Variants in GLRA2 observed in about 807,000 individuals in gnomAD.
The protein encoded by GLRA2 is glycine receptor subunit alpha-2.
A neutral mutation model predicts 31.6 loss-of-function variants in GLRA2; 11 were observed. The observed-to-expected ratio is 0.35, with a 90% confidence interval of 0.22 to 0.58. The LOEUF (loss-of-function observed/expected upper bound fraction) is 0.58, where lower values mean the gene tolerates loss of function less well. Ranked by LOEUF, GLRA2 falls within the 20% of genes least tolerant of loss-of-function variation. The probability of loss-of-function intolerance (pLI) is 0.84; values close to 1 mark genes in which losing one functional copy is unlikely to be tolerated. For missense variants in GLRA2, 212 were observed against 351.8 expected (o/e 0.60, Z 3.18); for synonymous variants, 132 against 134.0 (o/e 0.99, Z 0.10).
chrX:14,475,766 A>C, the GLRA2 span, among the ~76,000 whole-genome samples: 1 of 110,869 alleles, frequency 9.0e-6, no homozygotes, highest in East Asian at 2.8e-4. Context: ...AAATACCCTA[A>C]GTATAATAGA....
intron 8 of GLRA2, among the ~76,000 whole-genome samples, chrX:14,709,803 G>C: frequency 8.9e-6 from 1 of 111,928 alleles, no homozygotes; most frequent in Middle Eastern, 4.6e-3. Context: ...AGAAGCAATA[G>C]GAAAGTGCCT....
the GLRA2 span, among the ~76,000 whole-genome samples, chrX:14,469,528 A>T: frequency 6.2e-4 from 67 of 108,140 alleles, 3 homozygotes; most frequent in East Asian, 0.019. Flanking sequence ...AAAAAGGATG[A>T]GTTCATGTCC....
At chrX:14,581,508 T>C (rs953684234) in intron 4 of GLRA2, 102 bp downstream of exon 4, 1 of 499,080 alleles carries the variant, frequency 2.0e-6, no homozygotes, top group East Asian at 3.6e-5. Context: ...TTGACTTTTG[T>C]GGTTTCTTGT....
intron 8 of GLRA2, among the ~76,000 whole-genome samples, chrX:14,718,774 T>C (rs1463705608): frequency 1.8e-5 from 2 of 111,635 alleles, no homozygotes; most frequent in Non-Finnish European, 3.8e-5. Context: ...TTTTATATGG[T>C]GTCCCAAGAC....
At chrX:14,662,544 G>A (rs1369712872) in intron 7 of GLRA2, among the ~76,000 whole-genome samples, 1 of 111,633 alleles carries the variant, frequency 9.0e-6, no homozygotes, top group Non-Finnish European at 1.9e-5. Flanking sequence ...ATATATGAAT[G>A]TTCAGGCTTT....
At chrX:14,553,394 CCCTTTCT>C (rs775978154) in intron 2 of GLRA2, among the ~76,000 whole-genome samples, 1 of 112,014 alleles carries the variant, frequency 8.9e-6, no homozygotes, top group East Asian at 2.8e-4. Flanking sequence ...GCTCTCCTTT[CCCTTTCT>C]CTTTTTCTCA....
chrX:14,573,509 G>A (rs185643937), intron 2 of GLRA2, among the ~76,000 whole-genome samples: 2 of 111,446 alleles, frequency 1.8e-5, no homozygotes, highest in African/African-American at 6.5e-5. Context: ...AGCATTAGGA[G>A]AAAATTCCAC....
rs73437233 is a variant in GLRA2 at position 14,655,816 on chromosome X, T to C, written c.931-34894T>C. 7.3e-3 allele frequency among the ~76,000 whole-genome samples: 822 copies of C among 112,200 alleles called. 12 individuals are homozygous for C. Among genetic ancestry groups the C allele is most frequent in the African/African-American group, 0.026 (787 of 30,861 alleles). ...TGTACATTGTTGGTTTCCCATTTTT[T>C]CCCCAAATATGATGTAACCTCCCTA... is the stretch of plus-strand genomic sequence containing the variant. On this transcript the variant is annotated intron_variant, in intron 7 of 8. Coordinates refer to ENST00000218075, the MANE Select transcript of GLRA2 (RefSeq NM_002063.4).
At chrX:14,584,298 C>T (rs2090057343) in intron 4 of GLRA2, among the ~76,000 whole-genome samples, 1 of 111,538 alleles carries the variant, frequency 9.0e-6, no homozygotes, top group South Asian at 3.8e-4. Context: ...TAACATCTAC[C>T]AAATGTCTAG....
At chrX:14,605,872 G>A (rs1262564430) in intron 5 of GLRA2, among the ~76,000 whole-genome samples, 3 of 111,351 alleles carry the variant, frequency 2.7e-5, no homozygotes, top group East Asian at 2.8e-4. Flanking sequence ...AGACAAGAAC[G>A]TGGGGTATTT....
At chrX:14,629,334 A>G (rs1446749417) in intron 7 of GLRA2, among the ~76,000 whole-genome samples, 2 of 111,783 alleles carry the variant, frequency 1.8e-5, no homozygotes, top group Admixed American at 1.9e-4. Context: ...TTTGTAGCTT[A>G]CTTACCAATT....
the GLRA2 span, among the ~76,000 whole-genome samples, chrX:14,481,888 T>C: frequency 4.5e-5 from 5 of 111,058 alleles, no homozygotes; most frequent in African/African-American, 1.6e-4. Context: ...TAGCCCACTT[T>C]AACATCTAAG....
At chrX:14,680,695 A>G (rs2091192326) in intron 7 of GLRA2, among the ~76,000 whole-genome samples, 1 of 112,387 alleles carries the variant, frequency 8.9e-6, no homozygotes, top group Non-Finnish European at 1.9e-5. Context: ...TGAATAATGC[A>G]TTTAATGCCA....
chrX:14,487,960 T>A, the GLRA2 span, among the ~76,000 whole-genome samples: 1 of 111,959 alleles, frequency 8.9e-6, no homozygotes, highest in Non-Finnish European at 1.9e-5. Context: ...GACTCTGGTG[T>A]CTTTTCCCTC....
intron 4 of GLRA2, among the ~76,000 whole-genome samples, chrX:14,587,240 G>C (rs754818453): frequency 1.3e-4 from 15 of 112,420 alleles, no homozygotes; most frequent in Admixed American, 8.4e-4. Flanking sequence ...ATTGTGGATA[G>C]TGCTGTGATG....
chrX:14,553,482 A>C (rs1338302921), intron 2 of GLRA2, among the ~76,000 whole-genome samples: 1 of 111,337 alleles, frequency 9.0e-6, no homozygotes, highest in Admixed American at 9.5e-5. Flanking sequence ...CATTGTAATT[A>C]GTCTAATCCA....
At chrX:14,668,152 G>T (rs906629334) in intron 7 of GLRA2, among the ~76,000 whole-genome samples, 1 of 111,996 alleles carries the variant, frequency 8.9e-6, no homozygotes, top group Non-Finnish European at 1.9e-5. Flanking sequence ...GCTCTTCACT[G>T]GCTATTGGCT....
chrX:14,464,777 G>A, the GLRA2 span, among the ~76,000 whole-genome samples: 2 of 111,101 alleles, frequency 1.8e-5, no homozygotes, highest in African/African-American at 3.3e-5. Flanking sequence ...GGATGGTCTC[G>A]ATCTCCTGAC....
At chrX:14,684,858 T>C (rs1481263559) in intron 7 of GLRA2, among the ~76,000 whole-genome samples, 1 of 111,110 alleles carries the variant, frequency 9.0e-6, no homozygotes, top group African/African-American at 3.3e-5. Flanking sequence ...CTATGTTGAA[T>C]AGGAGTGGTG....
Sources: gnomAD v4.1 joint callset for allele counts (sites outside exome capture counted in the v4.1 genomes callset) on GRCh38, gnomAD v4.1.1 for gene constraint, MANE v1.5 for transcripts, NCBI Gene and HGNC (gene_info 2026-07-23, HGNC 2026-07-21) for gene names.